Variants in CES5A observed in about 807,000 individuals in gnomAD.
CES5A encodes the protein carboxylesterase 5.
In CES5A, 67 loss-of-function variants were observed where a neutral mutation model predicts 62.9. That is an observed-to-expected ratio of 1.07 (90% CI 0.88 to 1.31). CES5A has a LOEUF of 1.31. Among genes scored for constraint, CES5A ranks in the 50% most tolerant of loss-of-function variants. CES5A has a pLI of 0.00. For synonymous variants in CES5A, 296 were observed against 280.8 expected (o/e 1.05, Z -0.54); for missense variants, 748 against 708.5 (o/e 1.06, Z -0.63).
At chr16:55,924,063 C>T (rs187498899) in intron 1 of CES5A, among the ~76,000 whole-genome samples, 109 of 151,752 alleles carry the variant, frequency 7.2e-4, no homozygotes, top group African/African-American at 2.5e-3. Context: ...AAGCCCTGGC[C>T]GGAGTAATTA....
chr16:55,931,264 T>C (rs2034308855), intron 2 of CES5A, among the ~76,000 whole-genome samples: 2 of 152,194 alleles, frequency 1.3e-5, no homozygotes, highest in African/African-American at 4.8e-5. Context: ...CTACACAACA[T>C]GTATTAGACA....
intron 1 of CES5A, among the ~76,000 whole-genome samples, chr16:55,912,582 GAGA>G (rs1429955569): frequency 2.0e-5 from 3 of 151,872 alleles, no homozygotes; most frequent in Admixed American, 2.0e-4. Context: ...GGAGGAGGAG[GAGA>G]AGGAGGAAGA....
intron 9 of CES5A, 46 bp from the exon 10 acceptor site, chr16:55,853,074 G>T: frequency 1.9e-6 from 3 of 1,597,788 alleles, no homozygotes; most frequent in Non-Finnish European, 2.6e-6. Flanking sequence ...AACCACAATG[G>T]CCAACACGTT....
upstream of CES5A, among the ~76,000 whole-genome samples, chr16:55,878,934 T>C (rs1188441094): frequency 8.8e-4 from 49 of 55,406 alleles, no homozygotes; most frequent in East Asian, 1.2e-3. Context: ...TCACTGCACC[T>C]CCCACTGCAC....
At chr16:55,925,833 A>T (rs560800004), upstream of CES5A, among the ~76,000 whole-genome samples, 1 of 152,248 alleles carries the variant, frequency 6.6e-6, no homozygotes, top group East Asian at 1.9e-4. Flanking sequence ...AGAAATAATC[A>T]ACAGAGTAAA....
upstream of CES5A, among the ~76,000 whole-genome samples, chr16:55,878,290 G>C (rs2142421686): frequency 6.6e-6 from 1 of 152,136 alleles, no homozygotes; most frequent in South Asian, 2.1e-4. Context: ...GAAGGTACAA[G>C]AGCAATGGCA....
intron 1 of CES5A, among the ~76,000 whole-genome samples, chr16:55,909,914 G>A (rs2034077390): frequency 6.6e-6 from 1 of 152,170 alleles, no homozygotes; most frequent in African/African-American, 2.4e-5. Flanking sequence ...TGGTGTGAGT[G>A]CTTACTGTCT....
rs1341264033 is a variant in CES5A, at chr16:55,856,231, A to G, written c.1125+146T>C. ...CTTAATAGCAGTGCAAGAGTGGACT[A>G]ATACACCTATGCTTAGTAAAGGTCT... On this transcript the variant is annotated intron_variant, in intron 9 of 12. Coordinates refer to ENST00000290567, the MANE Select transcript of CES5A (RefSeq NM_001143685.2). The G allele has an allele frequency of 5.7e-6, 4 of 700,870 alleles. No individual in the cohort carries two copies. In the African/African-American group the frequency reaches 7.1e-5, roughly 12 times the overall value. 43.4% of individuals were successfully genotyped at this position (700,870 alleles called of 1,614,324 possible). A position where few individuals can be genotyped will look rare whatever the true frequency, so the allele number is the denominator to read the frequency against.
chr16:55,883,718 G>A (rs761246546), intron 1 of CES5A, among the ~76,000 whole-genome samples: 8 of 152,106 alleles, frequency 5.3e-5, no homozygotes, highest in East Asian at 1.9e-4. Context: ...TTCTATTTCC[G>A]CTTCCCCAAT....
intron 1 of CES5A, among the ~76,000 whole-genome samples, chr16:55,901,132 C>T (rs536370380): frequency 1.6e-4 from 25 of 152,230 alleles, no homozygotes; most frequent in African/African-American, 5.3e-4. Context: ...GGGTCTTTCC[C>T]ATGCTGTTCT....
At chr16:55,888,183 C>T (rs1355760277) in intron 1 of CES5A, among the ~76,000 whole-genome samples, 1 of 152,164 alleles carries the variant, frequency 6.6e-6, no homozygotes, top group Non-Finnish European at 1.5e-5. Context: ...TTCCACATCT[C>T]GTCCTCTCTG....
intron 1 of CES5A, among the ~76,000 whole-genome samples, chr16:55,951,110 A>AAAAAAAAAAAC: frequency 7.1e-6 from 1 of 141,798 alleles, no homozygotes; most frequent in African/African-American, 2.7e-5. Context: ...TCTCAAAAAA[A>AAAAAAAAAAAC]AAAAAAAAAA....
Position 55,869,722 on chromosome 16 carries a change from C to T in CES5A, c.440G>A (p.Gly147Asp). The T allele has an allele frequency of 1.9e-6, 3 of 1,605,938 alleles. No homozygotes were observed. Among genetic ancestry groups the T allele is most frequent in the Non-Finnish European group, 2.6e-6 (3 of 1,175,258 alleles). ...GGAGGCTGAGCCAGTCTTGAAGGCACCTCCTGGGAACCACACCAAGACCTG... is the reference window on the plus strand; with the variant it reads ...GGAGGCTGAGCCAGTCTTGAAGGCATCTCCTGGGAACCACACCAAGACCTG... ...KLPVLVWFPG[G>D]AFKTGSASIF... The change falls in exon 4 of 13, where the codon GGT (glycine) becomes GAT (aspartate). Residue 147 changes from glycine (G) to aspartate (D), a missense_variant. Gly to Asp is a moderately conservative substitution (Grantham distance 94). Transcript: ENST00000290567.
At position 55,852,985 on chromosome 16, in the gene CES5A, A is replaced by G. The variant is rs1235543647; in HGVS notation, c.1169T>C (p.Phe390Ser). The G allele has an allele frequency of 1.9e-6, 3 of 1,614,044 alleles. No homozygotes were observed. The African/African-American group carries it at 4.0e-5, about 22-fold the overall frequency. ...QYLHLVANEY[F>S]HDKHSLTEIR... Reference sequence around the variant, plus strand: ...TTCAGTCAGGGAGTGCTTGTCATGGAAGTATTCATTAGCCACAAGGTGCAA... The same window carrying G: ...TTCAGTCAGGGAGTGCTTGTCATGGGAGTATTCATTAGCCACAAGGTGCAA... Residue 390 changes from phenylalanine to serine, a missense_variant, in exon 10 of 13, where the codon TTC (phenylalanine) becomes TCC (serine). Phe to Ser is a radical substitution (Grantham distance 155). Coordinates refer to ENST00000290567, the MANE Select transcript of CES5A (RefSeq NM_001143685.2).
chr16:55,923,267 T>C (rs758030912), intron 1 of CES5A, among the ~76,000 whole-genome samples: 3 of 151,386 alleles, frequency 2.0e-5, no homozygotes, highest in Non-Finnish European at 4.4e-5. Flanking sequence ...AAATAACAGA[T>C]CTTTAGCTAA....
chr16:55,944,369 G>T (rs1597161203), intron 2 of CES5A: 1 of 408,356 alleles, frequency 2.4e-6, no homozygotes, highest in East Asian at 4.0e-5. Context: ...CACCATTGGG[G>T]GCTCTCATTT....
chr16:55,890,564 C>A (rs987328012), intron 1 of CES5A, among the ~76,000 whole-genome samples: 1 of 151,702 alleles, frequency 6.6e-6, no homozygotes, highest in African/African-American at 2.4e-5. Context: ...CCACAAAGGA[C>A]CTTATGAAAA....
chr16:55,866,664 AAAAAAAAAAAAAAATAC>A, intron 4 of CES5A, among the ~76,000 whole-genome samples: 2 of 138,244 alleles, frequency 1.4e-5, no homozygotes, highest in Non-Finnish European at 1.6e-5. Flanking sequence ...CTGCTAAAAA[AAAAAAAAAAAAAAATAC>A]AAAAAAATTA....
intron 1 of CES5A, among the ~76,000 whole-genome samples, chr16:55,886,990 A>G (rs2033823257): frequency 6.6e-6 from 1 of 152,202 alleles, no homozygotes; most frequent in Non-Finnish European, 1.5e-5. Context: ...ACAGCATAAT[A>G]GAACAATGGA....
Sources: gnomAD v4.1 joint callset for allele counts (sites outside exome capture counted in the v4.1 genomes callset) on GRCh38, gnomAD v4.1.1 for gene constraint, MANE v1.5 for transcripts, NCBI Gene and HGNC (gene_info 2026-07-23, HGNC 2026-07-21) for gene names.